The following HDAC9 variants were observed in gnomAD, a reference collection of about 807,000 sequenced individuals.
HDAC9 encodes the protein histone deacetylase 9.
In HDAC9, 41 loss-of-function variants were observed where a neutral mutation model predicts 139.4. That is an observed-to-expected ratio of 0.29 (90% confidence interval 0.23 to 0.38). The LOEUF (loss-of-function observed/expected upper bound fraction) is 0.38. Ranked by LOEUF, HDAC9 falls within the 10% of genes least tolerant of loss-of-function variation. HDAC9 has a pLI of 1.00. For missense variants in HDAC9, 1,147 were observed against 1,297.0 expected (o/e 0.88, Z 1.78); for synonymous variants, 517 against 476.2 (o/e 1.09, Z -1.12).
At chr7:18,808,613 T>C (rs1348021151) in intron 17 of HDAC9, among the ~76,000 whole-genome samples, 1 of 151,918 alleles carries the variant, frequency 6.6e-6, no homozygotes, top group Non-Finnish European at 1.5e-5. Context: ...ATTTGCATAC[T>C]GAAAACTATA....
chr7:18,264,794 T>C (rs1486999077), intron 2 of HDAC9, among the ~76,000 whole-genome samples: 3 of 152,222 alleles, frequency 2.0e-5, no homozygotes, highest in Admixed American at 6.5e-5. Flanking sequence ...TTGGTTTAAA[T>C]TGATGGTTCA....
intron 1 of HDAC9, among the ~76,000 whole-genome samples, chr7:18,314,322 C>A (rs1260815410): frequency 6.6e-6 from 1 of 152,144 alleles, no homozygotes; most frequent in African/African-American, 2.4e-5. Context: ...GTTTCTAAAC[C>A]AAACCTATAA....
At chr7:18,921,623 G>T (rs886255392) in intron 22 of HDAC9, among the ~76,000 whole-genome samples, 2 of 152,162 alleles carry the variant, frequency 1.3e-5, no homozygotes, top group African/African-American at 4.8e-5. Context: ...CTTTTACACT[G>T]TTGGTGGGAC....
At chr7:18,406,917 G>A (rs1044385773) in intron 1 of HDAC9, among the ~76,000 whole-genome samples, 1 of 151,926 alleles carries the variant, frequency 6.6e-6, no homozygotes, top group African/African-American at 2.4e-5. Flanking sequence ...TGTGAGATAG[G>A]TTCCCAGAAA....
chr7:18,240,383 T>G (rs1216220229), intron 2 of HDAC9, among the ~76,000 whole-genome samples: 2 of 152,166 alleles, frequency 1.3e-5, no homozygotes, highest in Non-Finnish European at 2.9e-5. Flanking sequence ...AAAAGTACCT[T>G]CCTTGTATTG....
chr7:18,634,886 A>G (rs1316646729), intron 8 of HDAC9, 144 bp downstream of exon 8: 6 of 548,060 alleles, frequency 1.1e-5, no homozygotes, highest in African/African-American at 1.9e-5. Flanking sequence ...TTGTAAACCA[A>G]TTGAAAAAAA....
chr7:18,831,358 A>G (rs886484043), intron 19 of HDAC9, among the ~76,000 whole-genome samples: 3 of 152,180 alleles, frequency 2.0e-5, no homozygotes, highest in Non-Finnish European at 4.4e-5. Flanking sequence ...TTGTTTTTGT[A>G]CAGTAATACA....
chr7:18,296,652 C>T (rs1381989891), intron 1 of HDAC9, among the ~76,000 whole-genome samples: 1 of 152,068 alleles, frequency 6.6e-6, no homozygotes, highest in Non-Finnish European at 1.5e-5. Flanking sequence ...AATGTCTATG[C>T]CTGTAGGATG....
In HDAC9 at chr7:18,762,294, A is replaced by G; in HGVS notation, c.2164+17A>G. ...TACTCCTAGGTCTGTACGGGCCTCC[A>G]CTGTACTGGGAACAGCACATTCCAG... On this transcript the variant is annotated intron_variant, in intron 15 of 25. Coordinates refer to ENST00000686413, the MANE Select transcript of HDAC9 (RefSeq NM_178425.4). The G allele has an allele frequency of 2.5e-6, 4 of 1,612,948 alleles. No individual in the cohort carries two copies. The highest frequency in any genetic ancestry group is 3.4e-6 in the Non-Finnish European group (4 of 1,179,312).
At chr7:18,697,881 C>G (rs1029759891) in intron 12 of HDAC9, among the ~76,000 whole-genome samples, 5 of 151,698 alleles carry the variant, frequency 3.3e-5, no homozygotes, top group Non-Finnish European at 7.4e-5. Context: ...TTTAGGGAGG[C>G]ATGATGAGGG....
intron 17 of HDAC9, among the ~76,000 whole-genome samples, chr7:18,795,316 A>T (rs1792705603): frequency 6.7e-6 from 1 of 148,760 alleles, no homozygotes; most frequent in African/African-American, 2.5e-5. Flanking sequence ...AAGAAATCTT[A>T]GTCCAGGTTC....
intron 12 of HDAC9, among the ~76,000 whole-genome samples, chr7:18,683,062 A>G (rs146813255): frequency 1.3e-5 from 2 of 152,132 alleles, no homozygotes; most frequent in East Asian, 1.9e-4. Flanking sequence ...AAATGGTACA[A>G]CCTTGTTTCT....
chr7:18,528,981 A>G (rs1266682713), intron 2 of HDAC9, among the ~76,000 whole-genome samples: 1 of 152,068 alleles, frequency 6.6e-6, no homozygotes, highest in Non-Finnish European at 1.5e-5. Flanking sequence ...TTTGTATTAC[A>G]TTTCTGTTTT....
chr7:18,458,908 C>A, intron 1 of HDAC9: 1 of 1,527,420 alleles, frequency 6.5e-7, no homozygotes, highest in Non-Finnish European at 8.8e-7. Context: ...CCAGGTAGAA[C>A]CAGACCTTAT....
intron 1 of HDAC9, among the ~76,000 whole-genome samples, chr7:18,377,600 C>G (rs1175848565): frequency 6.6e-6 from 1 of 152,020 alleles, no homozygotes; most frequent in African/African-American, 2.4e-5. Context: ...AATCTTCTAA[C>G]CAAAGTGAAT....
chr7:18,772,811 T>A (rs947655067), intron 16 of HDAC9, among the ~76,000 whole-genome samples: 67 of 152,122 alleles, frequency 4.4e-4, no homozygotes, highest in Non-Finnish European at 1.6e-4. Flanking sequence ...TTTAGTTTCA[T>A]GCTGCAAATT....
chr7:18,195,146 C>T (rs1270384073), intron 2 of HDAC9, among the ~76,000 whole-genome samples: 2 of 152,150 alleles, frequency 1.3e-5, no homozygotes, highest in Non-Finnish European at 2.9e-5. Flanking sequence ...AAATGGATTG[C>T]TCATGGACTC....
intron 2 of HDAC9, among the ~76,000 whole-genome samples, chr7:18,234,830 T>C (rs1793706269): frequency 6.6e-6 from 1 of 152,192 alleles, no homozygotes; most frequent in Non-Finnish European, 1.5e-5. Context: ...ACAGTGATGG[T>C]AGCTTCTGAA....
chr7:18,684,239 G>A (rs1448287567), intron 12 of HDAC9, among the ~76,000 whole-genome samples: 1 of 149,750 alleles, frequency 6.7e-6, no homozygotes, highest in African/African-American at 2.5e-5. Context: ...TGGCAACAGA[G>A]CCAGACCCTA....
Sources: gnomAD v4.1 joint callset for allele counts (sites outside exome capture counted in the v4.1 genomes callset) on GRCh38, gnomAD v4.1.1 for gene constraint, MANE v1.5 for transcripts, NCBI Gene and HGNC (gene_info 2026-07-23, HGNC 2026-07-21) for gene names.